Variants in ABTB2 observed in about 807,000 individuals in gnomAD.
ABTB2 encodes the protein ankyrin repeat and BTB domain containing 2.
In ABTB2, 56 loss-of-function variants were observed where a neutral mutation model predicts 104.1. That is an observed-to-expected ratio of 0.54 (90% CI 0.43 to 0.67). The LOEUF (loss-of-function observed/expected upper bound fraction) is 0.67, where lower values mean the gene tolerates loss of function less well. Among genes scored for constraint, ABTB2 ranks in the 30% least tolerant of loss-of-function variants. The pLI is 0.00. For synonymous variants in ABTB2, 606 were observed against 608.2 expected, an observed-to-expected ratio of 1.00 and a Z score of 0.05; for missense variants, 1,279 against 1,407.7, an observed-to-expected ratio of 0.91 and a Z score of 1.46.
intron 1 of ABTB2, among the ~76,000 whole-genome samples, chr11:34,355,328 TCTAGAAC>T (rs1238427407): frequency 3.3e-5 from 5 of 152,302 alleles, no homozygotes; most frequent in Middle Eastern, 3.4e-3. Context: ...TCCACCAGCA[TCTAGAAC>T]CTTAAAGGGG....
chr11:34,294,372 T>C (rs7124183), intron 1 of ABTB2, among the ~76,000 whole-genome samples: 6,838 of 152,150 alleles, frequency 0.045, 211 homozygotes, highest in Non-Finnish European at 0.07. Flanking sequence ...CAATGGGCCT[T>C]TGAGTCTGAC....
intron 1 of ABTB2, among the ~76,000 whole-genome samples, chr11:34,206,733 C>G (rs1853412039): frequency 6.6e-6 from 1 of 152,162 alleles, no homozygotes; most frequent in South Asian, 2.1e-4. Context: ...TTCCTCCAGC[C>G]CAGGGCCTCA....
chr11:34,276,837 G>A lies in ABTB2; in HGVS notation c.884-72147C>T, dbSNP rs561189772. ...TAACCTCTCAGATCCAGGAGAATGC[G>A]AACCTGCAGGTCCATGTCTCCATCC... On this transcript the variant is annotated intron_variant, in intron 1 of 16. Transcript: ENST00000435224. Among the ~76,000 whole-genome samples the A allele has an allele frequency of 1.1e-4, 17 of 152,274 alleles. No individual in the cohort carries two copies. In the South Asian group the frequency reaches 1.5e-3, roughly 13 times the overall value.
chr11:34,350,582 A>T (rs1176672673), intron 1 of ABTB2, among the ~76,000 whole-genome samples: 1 of 152,202 alleles, frequency 6.6e-6, no homozygotes, highest in East Asian at 1.9e-4. Flanking sequence ...AGCAGCATTT[A>T]AACAGAGTAA....
intron 1 of ABTB2, among the ~76,000 whole-genome samples, chr11:34,237,740 A>G (rs1231624788): frequency 3.3e-5 from 5 of 152,084 alleles, no homozygotes; most frequent in Admixed American, 6.6e-5. Flanking sequence ...AAAATACAAA[A>G]ATTAGCTGGG....
At chr11:34,314,551 T>G (rs139405326) in intron 1 of ABTB2, among the ~76,000 whole-genome samples, 2 of 152,316 alleles carry the variant, frequency 1.3e-5, no homozygotes, top group African/African-American at 4.8e-5. Flanking sequence ...TGATCTTTTC[T>G]TCTCTGCACA....
intron 6 of ABTB2, 70 bp downstream of exon 6, chr11:34,167,833 G>A: frequency 6.6e-7 from 1 of 1,510,768 alleles, no homozygotes; most frequent in East Asian, 2.3e-5. Context: ...CGCCCAGCGT[G>A]TTTGTTGGAG....
In ABTB2 at chr11:34,197,426, G is replaced by C; in HGVS notation, c.1143C>G (p.Pro381=). The C allele has an allele frequency of 6.2e-7, 1 of 1,607,232 alleles. No homozygotes were observed. The highest frequency in any genetic ancestry group is 8.5e-7 in the Non-Finnish European group (1 of 1,175,528). Reference sequence around the variant, plus strand: ...AGTAGTAGAGCGTGTGGAGGGCGTCGGGGGACCAAGTGATGGGCTGTGGCG... The same window carrying C: ...AGTAGTAGAGCGTGTGGAGGGCGTCCGGGGACCAAGTGATGGGCTGTGGCG... ...RQPPQPITWS[P]DALHTLYYFL... is the part of the protein sequence containing the mutation. Residue 381 remains proline (P), a synonymous_variant, in exon 3 of 17, where the codon CCC becomes CCG. Transcript: ENST00000435224.
At chr11:34,239,466 G>C (rs534494129) in intron 1 of ABTB2, among the ~76,000 whole-genome samples, 2 of 152,182 alleles carry the variant, frequency 1.3e-5, no homozygotes, top group South Asian at 4.1e-4. Context: ...GAGTAGCTGA[G>C]ACTGCAGACA....
chr11:34,336,515 T>C (rs533205685), intron 1 of ABTB2, among the ~76,000 whole-genome samples: 103 of 152,148 alleles, frequency 6.8e-4, no homozygotes, highest in African/African-American at 2.4e-3. Flanking sequence ...TGGTGACTTG[T>C]GCCTGTAGTC....
intron 1 of ABTB2, among the ~76,000 whole-genome samples, chr11:34,321,146 C>T (rs1039091525): frequency 6.6e-6 from 1 of 152,188 alleles, no homozygotes; most frequent in African/African-American, 2.4e-5. Context: ...CTCACCATTG[C>T]ACTCCAGCCT....
intron 1 of ABTB2, among the ~76,000 whole-genome samples, chr11:34,286,556 G>A (rs771315167): frequency 6.6e-6 from 1 of 151,778 alleles, no homozygotes; most frequent in African/African-American, 2.4e-5. Flanking sequence ...GCCTCCCAAA[G>A]TGCTGGGATT....
Position 34,197,557 on chromosome 11 carries a change from G to A in ABTB2, c.1031-19C>T, listed in dbSNP as rs1481804210. 2 of 1,506,390 alleles carry A rather than the reference G, an allele frequency of 1.3e-6. No individual in the cohort carries two copies. Among genetic ancestry groups the A allele is most frequent in the Non-Finnish European group, 1.8e-6 (2 of 1,116,068 alleles). 93.3% of individuals were successfully genotyped at this position (1,506,390 alleles called of 1,614,324 possible). On this transcript the variant is annotated intron_variant, in intron 2 of 16. Transcript: ENST00000435224. ...AAGTCACCTGGTGGGGGGCGGGGAGGGCAGAGGGGAGGAAGAGAAAAAAAG... is the reference window on the plus strand; with the variant it reads ...AAGTCACCTGGTGGGGGGCGGGGAGAGCAGAGGGGAGGAAGAGAAAAAAAG...
At chr11:34,266,023 G>A (rs1050668011) in intron 1 of ABTB2, among the ~76,000 whole-genome samples, 15 of 151,546 alleles carry the variant, frequency 9.9e-5, no homozygotes, top group Admixed American at 4.6e-4. Context: ...CCTGAGTTGG[G>A]AGGAAAGAAT....
At chr11:34,170,282 A>G (rs150384031) in intron 5 of ABTB2, among the ~76,000 whole-genome samples, 1 of 152,360 alleles carries the variant, frequency 6.6e-6, no homozygotes, top group Admixed American at 6.5e-5. Flanking sequence ...GAGTTAATCT[A>G]TGTGAAGCAC....
intron 1 of ABTB2, among the ~76,000 whole-genome samples, chr11:34,297,476 G>A (rs936451168): frequency 5.3e-5 from 8 of 152,156 alleles, no homozygotes; most frequent in Admixed American, 3.3e-4. Context: ...TCAGTGCTAT[G>A]GTTTTAATGT....
intron 1 of ABTB2, among the ~76,000 whole-genome samples, chr11:34,277,886 C>T (rs12278593): frequency 0.28 from 40,481 of 144,964 alleles, 6,587 homozygotes; most frequent in African/African-American, 0.43. Flanking sequence ...CTCACTGCAA[C>T]CTCCACTTCC....
intron 5 of ABTB2, among the ~76,000 whole-genome samples, chr11:34,168,315 TC>T (rs1292493594): frequency 6.6e-6 from 1 of 152,222 alleles, no homozygotes; most frequent in Non-Finnish European, 1.5e-5. Context: ...CTCAGTTTTT[TC>T]ATCTGTAAAT....
At chr11:34,351,786 T>C (rs538122286) in intron 1 of ABTB2, among the ~76,000 whole-genome samples, 18 of 152,154 alleles carry the variant, frequency 1.2e-4, no homozygotes, top group African/African-American at 4.3e-4. Flanking sequence ...GATTTAAGAA[T>C]ATGTCCTGGG....
Sources: allele counts gnomAD v4.1 joint callset (sites outside exome capture counted in the v4.1 genomes callset), GRCh38; gene constraint gnomAD v4.1.1; transcripts MANE v1.5; gene names NCBI Gene and HGNC (gene_info 2026-07-23, HGNC 2026-07-21).